The following PHF24 variants were observed in gnomAD, a reference collection of about 807,000 sequenced individuals.
PHF24 encodes Galpha inhibitory interacting protein.
PHF24 carries 25 observed loss-of-function variants against 42.6 expected under a neutral mutation model. The ratio of observed to expected loss-of-function variants is 0.59; its 90% CI spans 0.43 to 0.82. The LOEUF (loss-of-function observed/expected upper bound fraction) is 0.82, where lower values mean the gene tolerates loss of function less well. Ranked by LOEUF, PHF24 falls within the 40% of genes least tolerant of loss-of-function variation. The probability of loss-of-function intolerance (pLI) is 0.00; values close to 1 mark genes in which losing one functional copy is unlikely to be tolerated. For missense variants in PHF24, 470 were observed against 538.1 expected (o/e 0.87, Z 1.25); for synonymous variants, 185 against 204.8 (o/e 0.90, Z 0.83).
At chr9:34,695,250 T>TA in the PHF24 span, among the ~76,000 whole-genome samples, 1 of 152,186 alleles carries the variant, frequency 6.6e-6, no homozygotes, top group Non-Finnish European at 1.5e-5. Context: ...ATACTTCCAT[T>TA]AAAAACCCGA....
chr9:34,922,235 T>C, the PHF24 span: 2 of 1,592,390 alleles, frequency 1.3e-6, no homozygotes, highest in East Asian at 2.2e-5. Flanking sequence ...GGGTATCCGA[T>C]GTCCACAATG....
the PHF24 span, among the ~76,000 whole-genome samples, chr9:34,739,189 A>C: frequency 1.3e-5 from 2 of 152,234 alleles, no homozygotes; most frequent in African/African-American, 4.8e-5. Flanking sequence ...TATTCATAGT[A>C]AGAAAGTTCA....
the PHF24 span, among the ~76,000 whole-genome samples, chr9:34,826,124 C>T: frequency 1.1e-4 from 17 of 152,116 alleles, no homozygotes; most frequent in Admixed American, 6.5e-5. Context: ...ATCTCACTGG[C>T]CTCTTCCCAG....
chr9:34,977,579 C>T (rs1447869492), exon 7 of PHF24: 1 of 1,610,110 alleles, frequency 6.2e-7, no homozygotes, highest in Non-Finnish European at 8.5e-7. Context: ...CAGATAGCAG[C>T]CCAGCCAGCA....
the PHF24 span, among the ~76,000 whole-genome samples, chr9:34,870,105 A>G: frequency 5.9e-5 from 9 of 152,030 alleles, no homozygotes; most frequent in Non-Finnish European, 1.0e-4. Context: ...TTAAGTGGAA[A>G]GTACAAAAAG....
At chr9:34,797,747 G>A in the PHF24 span, among the ~76,000 whole-genome samples, 2 of 151,932 alleles carry the variant, frequency 1.3e-5, no homozygotes, top group African/African-American at 2.4e-5. Flanking sequence ...GGCACAGGAT[G>A]GGGGCGCGGC....
the PHF24 span, among the ~76,000 whole-genome samples, chr9:34,828,970 A>G: frequency 3.1e-5 from 2 of 63,648 alleles, no homozygotes; most frequent in Non-Finnish European, 6.8e-5. Flanking sequence ...ATCTGCAACC[A>G]GGACCCTCCC....
chr9:34,884,129 A>C, the PHF24 span, among the ~76,000 whole-genome samples: 4 of 152,158 alleles, frequency 2.6e-5, no homozygotes, highest in Non-Finnish European at 5.9e-5. Flanking sequence ...AAAACCAAGC[A>C]CCGCATGTTC....
At chr9:34,944,684 G>A in the PHF24 span, among the ~76,000 whole-genome samples, 3 of 152,076 alleles carry the variant, frequency 2.0e-5, no homozygotes, top group Non-Finnish European at 4.4e-5. Context: ...CATGACTGTA[G>A]CATAATAGAC....
the PHF24 span, among the ~76,000 whole-genome samples, chr9:34,810,024 C>CCGCCCACG: frequency 1.3e-5 from 2 of 151,264 alleles, no homozygotes; most frequent in Admixed American, 1.3e-4. Context: ...CGCGCCGCCG[C>CCGCCCACG]CGCCGCCCAC....
At chr9:34,931,886 C>A in the PHF24 span, among the ~76,000 whole-genome samples, 5 of 152,138 alleles carry the variant, frequency 3.3e-5, no homozygotes, top group Non-Finnish European at 5.9e-5. Flanking sequence ...GAAAAGAGGG[C>A]AAGAGGCTAA....
At chr9:34,928,216 C>CAAA in the PHF24 span, among the ~76,000 whole-genome samples, 294 of 109,160 alleles carry the variant, frequency 2.7e-3, 5 homozygotes, top group East Asian at 0.042. Context: ...GACTCTGTCT[C>CAAA]AAAAAAAAAA....
the PHF24 span, among the ~76,000 whole-genome samples, chr9:34,882,476 C>T: frequency 6.6e-6 from 1 of 152,006 alleles, no homozygotes; most frequent in African/African-American, 2.4e-5. Flanking sequence ...ATCATCTCAG[C>T]CCAAAATCTC....
chr9:34,875,940 A>ACTCTCT, the PHF24 span, among the ~76,000 whole-genome samples: 171 of 89,260 alleles, frequency 1.9e-3, 2 homozygotes, highest in African/African-American at 7.2e-3. Flanking sequence ...ACACACACAC[A>ACTCTCT]CACACACACA....
chr9:34,967,852 A>G (rs1225465480), intron 1 of PHF24, among the ~76,000 whole-genome samples: 1 of 152,232 alleles, frequency 6.6e-6, no homozygotes, highest in Non-Finnish European at 1.5e-5. Context: ...GAAGATGAAA[A>G]ACAACATGAG....
the PHF24 span, among the ~76,000 whole-genome samples, chr9:34,899,489 C>T: frequency 5.8e-4 from 89 of 152,192 alleles, no homozygotes; most frequent in Non-Finnish European, 1.2e-3. Flanking sequence ...TTCGCTGTGT[C>T]TCATACTCAG....
chr9:34,874,197 T>G, the PHF24 span, among the ~76,000 whole-genome samples: 1 of 152,186 alleles, frequency 6.6e-6, no homozygotes, highest in African/African-American at 2.4e-5. Flanking sequence ...TTCCTTCTCC[T>G]GCCTAATTGC....
the PHF24 span, chr9:34,723,366 G>A: frequency 3.2e-6 from 5 of 1,551,714 alleles, no homozygotes; most frequent in Non-Finnish European, 4.4e-6. Flanking sequence ...AGGGATTGGG[G>A]ACCATCCAAG....
chr9:34,886,830 CTATG>C, the PHF24 span, among the ~76,000 whole-genome samples: 368 of 140,578 alleles, frequency 2.6e-3, no homozygotes, highest in African/African-American at 0.01. Flanking sequence ...ATCTATGTAT[CTATG>C]TATCTATCTA....
Sources: allele counts gnomAD v4.1 joint callset (sites outside exome capture counted in the v4.1 genomes callset), GRCh38; gene constraint gnomAD v4.1.1; transcripts MANE v1.5; gene names NCBI Gene and HGNC (gene_info 2026-07-23, HGNC 2026-07-21).